GMDS: variants seen among roughly 807,000 people sequenced by gnomAD.
GMDS encodes GDP-mannose 4,6 dehydratase.
GMDS carries 20 observed loss-of-function variants against 49.9 expected under a neutral mutation model. That is an observed-to-expected ratio of 0.40 (90% confidence interval 0.28 to 0.58). The LOEUF is 0.58. GMDS is among the 20% of genes least tolerant of loss of function. GMDS has a pLI of 0.42. For missense variants in GMDS, 362 were observed against 481.4 expected, an observed-to-expected ratio of 0.75 and a Z score of 2.32; for synonymous variants, 177 against 178.6, an observed-to-expected ratio of 0.99 and a Z score of 0.07.
At chr6:1,631,125 G>A (rs1762987363) in intron 9 of GMDS, among the ~76,000 whole-genome samples, 1 of 152,192 alleles carries the variant, frequency 6.6e-6, no homozygotes, top group South Asian at 2.1e-4. Context: ...GACATCGCTG[G>A]CAAGTGGCAC....
chr6:2,025,026 T>A (rs1768498941), intron 4 of GMDS, among the ~76,000 whole-genome samples: 1 of 152,034 alleles, frequency 6.6e-6, no homozygotes, highest in South Asian at 2.1e-4. Flanking sequence ...ACCAAAAGGA[T>A]ATGATAATCA....
intron 4 of GMDS, among the ~76,000 whole-genome samples, chr6:2,068,868 TC>T (rs771080081): frequency 8.3e-4 from 126 of 152,170 alleles, no homozygotes; most frequent in Admixed American, 2.2e-3. Flanking sequence ...TTCAATGCCA[TC>T]CCCATCAAGC....
chr6:2,013,925 C>CATATATATATAT lies in GMDS; in HGVS notation c.346-52971_346-52960dup, dbSNP rs10523956. Among the ~76,000 whole-genome samples the CATATATATATAT allele has an allele frequency of 5.2e-3, 647 of 124,596 alleles. 13 individuals are homozygous for CATATATATATAT. Among genetic ancestry groups the CATATATATATAT allele is most frequent in the African/African-American group, 0.012 (344 of 28,100 alleles). The allele number at this position is 124,596 out of a possible 152,430, so 81.7% of individuals were successfully genotyped here. A position where few individuals can be genotyped will look rare whatever the true frequency, so the allele number is the denominator to read the frequency against. On this transcript the variant is annotated intron_variant, in intron 4 of 10. Transcript: ENST00000380815. ...AGAGAACACCAGAGAGGATAAAAACCATATATATATATATATATATATATA... is the reference window on the plus strand; with the variant it reads ...AGAGAACACCAGAGAGGATAAAAACCATATATATATATATATATATATATATATATATATATA...
rs1346655114 is a variant in GMDS at position 1,899,797 on chromosome 6, C to G, written c.771+30306G>C. On this transcript the variant is annotated intron_variant, in intron 7 of 10. Coordinates refer to ENST00000380815, the MANE Select transcript of GMDS (RefSeq NM_001500.4). ...CGCCACTCTAAGGCCCCGTGGAGAC[C>G]TGCAACAGGGCACCCTGTCGTTAGC... 2.0e-5 allele frequency among the ~76,000 whole-genome samples: 3 copies of G among 151,836 alleles called. No individual in the cohort carries two copies. In the East Asian group the frequency reaches 5.8e-4, roughly 30 times the overall value.
intron 7 of GMDS, among the ~76,000 whole-genome samples, chr6:1,782,912 C>T (rs1271019442): frequency 2.0e-5 from 3 of 152,044 alleles, no homozygotes; most frequent in Non-Finnish European, 4.4e-5. Flanking sequence ...CCAAAACTTT[C>T]GGAGGCTGAG....
At chr6:1,876,736 CTGTT>C (rs1246529997) in intron 7 of GMDS, among the ~76,000 whole-genome samples, 4 of 152,188 alleles carry the variant, frequency 2.6e-5, no homozygotes, top group African/African-American at 9.7e-5. Context: ...TGGGACATTT[CTGTT>C]TGTTAGTTCA....
At chr6:2,213,488 AG>A (rs1318311150) in intron 1 of GMDS, among the ~76,000 whole-genome samples, 1 of 152,210 alleles carries the variant, frequency 6.6e-6, no homozygotes, top group Non-Finnish European at 1.5e-5. Context: ...ACTTTGAAAA[AG>A]GAGAGCAAAT....
chr6:1,852,783 T>C (rs925295748), intron 7 of GMDS, among the ~76,000 whole-genome samples: 1 of 150,658 alleles, frequency 6.6e-6, no homozygotes, highest in African/African-American at 2.5e-5. Context: ...CTCGGCGCGA[T>C]GCAACCTCTG....
At chr6:2,098,507 C>A (rs1581647325) in intron 4 of GMDS, among the ~76,000 whole-genome samples, 1 of 152,190 alleles carries the variant, frequency 6.6e-6, no homozygotes, top group East Asian at 1.9e-4. Flanking sequence ...TATTTAGAAA[C>A]AAAATCTTAA....
chr6:2,204,468 G>A (rs962555187), intron 1 of GMDS, among the ~76,000 whole-genome samples: 4 of 152,192 alleles, frequency 2.6e-5, no homozygotes, highest in African/African-American at 9.6e-5. Context: ...GGCATGTAGG[G>A]ACAGTGTTAT....
chr6:1,835,955 A>T (rs1048923134), intron 7 of GMDS, among the ~76,000 whole-genome samples: 1 of 152,044 alleles, frequency 6.6e-6, no homozygotes, highest in African/African-American at 2.4e-5. Flanking sequence ...CGCTATCTGT[A>T]GCGCTCACTG....
At chr6:1,910,105 TA>T (rs1035954573) in intron 7 of GMDS, among the ~76,000 whole-genome samples, 171 of 152,216 alleles carry the variant, frequency 1.1e-3, no homozygotes, top group African/African-American at 3.8e-3. Context: ...TTTATTGACT[TA>T]AAAATATTCT....
chr6:1,890,796 A>G (rs550078643), intron 7 of GMDS, among the ~76,000 whole-genome samples: 1 of 152,332 alleles, frequency 6.6e-6, no homozygotes, highest in Non-Finnish European at 1.5e-5. Context: ...AATTACTTAA[A>G]AATAACAGAC....
rs1000768733 is a variant in GMDS, at chr6:1,663,634, C to A, written c.988-39094G>T. On this transcript the variant is annotated intron_variant, in intron 9 of 10. Coordinates refer to ENST00000380815, the MANE Select transcript of GMDS (RefSeq NM_001500.4). Reference sequence around the variant, plus strand: ...TGACTGCTTGTGGCTACTGCCCTCACCATTTCTCTGTGCCAGGAATACTGG... The same window carrying A: ...TGACTGCTTGTGGCTACTGCCCTCAACATTTCTCTGTGCCAGGAATACTGG... Among the ~76,000 whole-genome samples the A allele has an allele frequency of 1.1e-4, 17 of 152,274 alleles. 1 individual carries two copies. The highest frequency in any genetic ancestry group is 1.1e-3 in the Admixed American group (17 of 15,296).
chr6:1,960,047 T>G (rs1763853357), intron 5 of GMDS, 76 bp from the exon 6 acceptor site: 1 of 800,216 alleles, frequency 1.2e-6, no homozygotes, highest in African/African-American at 1.7e-5. Flanking sequence ...AACAGTAACA[T>G]CTTGGCCGAA....
chr6:1,751,461 A>G (rs1767727651), intron 7 of GMDS, among the ~76,000 whole-genome samples: 1 of 152,214 alleles, frequency 6.6e-6, no homozygotes, highest in Non-Finnish European at 1.5e-5. Context: ...AGCAAACTCC[A>G]GCAGACCTGC....
At chr6:1,881,231 C>G (rs774681656) in intron 7 of GMDS, among the ~76,000 whole-genome samples, 1 of 152,030 alleles carries the variant, frequency 6.6e-6, no homozygotes, top group African/African-American at 2.4e-5. Context: ...ACAAGTGATA[C>G]AGACAATAAA....
chr6:1,874,259 G>A (rs1758918412), intron 7 of GMDS, among the ~76,000 whole-genome samples: 1 of 152,164 alleles, frequency 6.6e-6, no homozygotes, highest in South Asian at 2.1e-4. Context: ...AGAAAGAAAT[G>A]TGAAAATCAA....
At chr6:2,124,772 TG>T (rs1405546971) in intron 1 of GMDS, 41 bp from the exon 2 acceptor site, 5 of 1,521,538 alleles carry the variant, frequency 3.3e-6, no homozygotes, top group Non-Finnish European at 3.6e-6. Flanking sequence ...AGTCTCATAG[TG>T]GTATAGAAAG....
Sources: allele counts gnomAD v4.1 joint callset (sites outside exome capture counted in the v4.1 genomes callset), GRCh38; gene constraint gnomAD v4.1.1; transcripts MANE v1.5; gene names NCBI Gene and HGNC (gene_info 2026-07-23, HGNC 2026-07-21).